Variants in ATP11A observed in about 807,000 individuals in gnomAD.
The protein encoded by ATP11A is ATPase phospholipid transporting 11A, also known as phospholipid-transporting ATPase IH.
Under a neutral mutation model 154.4 loss-of-function variants are expected in ATP11A, and 81 were observed. The observed-to-expected ratio is 0.52, with a 90% CI of 0.44 to 0.63. The LOEUF (loss-of-function observed/expected upper bound fraction) is 0.63, where lower values mean the gene tolerates loss of function less well. Among genes scored for constraint, ATP11A ranks in the 30% least tolerant of loss-of-function variants. The probability of loss-of-function intolerance (pLI) is 0.00; values close to 1 mark genes in which losing one functional copy is unlikely to be tolerated. For missense variants in ATP11A, 1,316 were observed against 1,474.3 expected, an observed-to-expected ratio of 0.89 and a Z score of 1.76; for synonymous variants, 623 against 585.9, an observed-to-expected ratio of 1.06 and a Z score of -0.91.
At chr13:112,843,609 C>T (rs963221162) in intron 17 of ATP11A, among the ~76,000 whole-genome samples, 7 of 152,176 alleles carry the variant, frequency 4.6e-5, no homozygotes, top group African/African-American at 1.7e-4. Context: ...ACCGAGAGAA[C>T]CTTGGACTAG....
At chr13:112,810,087 C>T (rs1370298213) in intron 4 of ATP11A, among the ~76,000 whole-genome samples, 3 of 151,014 alleles carry the variant, frequency 2.0e-5, no homozygotes, top group African/African-American at 2.4e-5. Flanking sequence ...CAGAGTGAGC[C>T]GGCGTTTCAC....
chr13:112,741,508 C>T (rs939064413), intron 1 of ATP11A, among the ~76,000 whole-genome samples: 10 of 152,158 alleles, frequency 6.6e-5, no homozygotes, highest in African/African-American at 2.4e-4. Context: ...GCACCATTAC[C>T]CTGGCCTGGG....
chr13:112,882,985 G>T lies in ATP11A; in HGVS notation c.*1119G>T, dbSNP rs78518626. Reference sequence around the variant, plus strand: ...CTCCCGCACTGCAGCTCCGCCCGCCGGGCTCTGCGTCCCCACGTCCCCTCG... The same window carrying T: ...CTCCCGCACTGCAGCTCCGCCCGCCTGGCTCTGCGTCCCCACGTCCCCTCG... On this transcript the variant is annotated 3_prime_UTR_variant, in exon 30 of 30. Transcript: ENST00000375645. This position sits in a 1 kb window ranked among gnomAD's most constrained non-coding sequence, Gnocchi z 5.1. 0.014 allele frequency: 5,753 copies of T among 399,256 alleles called. 112 individuals are homozygous for T. Among genetic ancestry groups the T allele is most frequent in the East Asian group, 0.06 (1,688 of 28,070 alleles). The allele number at this position is 399,256 out of a possible 1,614,324, so 24.7% of individuals were successfully genotyped here. A position where few individuals can be genotyped will look rare whatever the true frequency, so the allele number is the denominator to read the frequency against.
chr13:112,690,356 T>G lies in ATP11A; in HGVS notation c.-61T>G. The G allele has an allele frequency of 4.2e-6, 5 of 1,204,818 alleles. No individual in the cohort carries two copies. The highest frequency in any genetic ancestry group is 3.3e-5 in the East Asian group (1 of 30,304). The allele number at this position is 1,204,818 out of a possible 1,614,324, so 74.6% of individuals were successfully genotyped here. A position where few individuals can be genotyped will look rare whatever the true frequency, so the allele number is the denominator to read the frequency against. On this transcript the variant is annotated 5_prime_UTR_variant, in exon 1 of 30. It removes an upstream start codon present in the reference 5' UTR. Transcript: ENST00000375645. The surrounding 1 kb of genome is among the most constrained non-coding windows in gnomAD (Gnocchi z 5.6). ...GGCCGCACTAGTACCCCGGAGCCCA[T>G]GGGCGCGCCGAGCCGGGCGCGGGGG... is the stretch of plus-strand genomic sequence containing the variant.
In ATP11A at chr13:112,838,830, A is replaced by G. The variant is rs186109920; in HGVS notation, c.1705+2579A>G. 4.6e-5 allele frequency among the ~76,000 whole-genome samples: 7 copies of G among 152,290 alleles called. No homozygotes were observed. The East Asian group carries it at 9.7e-4, about 21-fold the overall frequency. ...AGTTACTTTTAAGAGAAGTTTGAAT[A>G]TGTAATTAAGCAAGGTGTTCTGTAA... On this transcript the variant is annotated intron_variant, in intron 16 of 29. Coordinates refer to ENST00000375645, the MANE Select transcript of ATP11A (RefSeq NM_015205.3). The surrounding 1 kb of genome is among the most constrained non-coding windows in gnomAD (Gnocchi z 7.3).
rs187475989 is a variant in ATP11A, at chr13:112,789,029, C to G, written c.162+3772C>G. ...ATTGAGCATCCTGACATGTAGACCC[C>G]TGTGTAGACCTACTTCATTTACACC... On this transcript the variant is annotated intron_variant, in intron 2 of 29. Coordinates refer to ENST00000375645, the MANE Select transcript of ATP11A (RefSeq NM_015205.3). 2.0e-5 allele frequency among the ~76,000 whole-genome samples: 3 copies of G among 151,884 alleles called. No individual in the cohort carries two copies. In the East Asian group the frequency reaches 6.0e-4, roughly 30 times the overall value.
chr13:112,731,212 G>A lies in ATP11A; in HGVS notation c.39+40757G>A, dbSNP rs546857963. On this transcript the variant is annotated intron_variant, in intron 1 of 29. Coordinates refer to ENST00000375645, the MANE Select transcript of ATP11A (RefSeq NM_015205.3). ...AGCCTCCAAAATGCTCCAGTGATCC[G>A]CCTGCCTTAGCCTCCCAAAGTGCTG... 5.3e-5 allele frequency among the ~76,000 whole-genome samples: 8 copies of A among 152,194 alleles called. 1 individual carries two copies. The highest frequency in any genetic ancestry group is 1.4e-4 in the African/African-American group (6 of 41,488).
Position 112,769,463 on chromosome 13 carries a change from G to A in ATP11A, c.40-15672G>A, listed in dbSNP as rs773174916. Among the ~76,000 whole-genome samples, 10 of 152,322 alleles carry A rather than the reference G, an allele frequency of 6.6e-5. No homozygotes were observed. The East Asian group carries it at 1.4e-3, about 21-fold the overall frequency. On this transcript the variant is annotated intron_variant, in intron 1 of 29. Transcript: ENST00000375645. The stretch of plus-strand genomic sequence containing the variant: ...CTGGCAGCTGTGGCCTCTTTGCTGC[G>A]CTTCCTCTTTGGCCAGAGCCAAAAC...
At chr13:112,732,571 T>G (rs1890597624) in intron 1 of ATP11A, among the ~76,000 whole-genome samples, 1 of 152,216 alleles carries the variant, frequency 6.6e-6, no homozygotes, top group African/African-American at 2.4e-5. Context: ...ATAAAAGCAC[T>G]TACAAATTTA....
chr13:112,825,608 T>C, intron 11 of ATP11A, 28 bp downstream of exon 11: 1 of 1,590,582 alleles, frequency 6.3e-7, no homozygotes, highest in Non-Finnish European at 8.5e-7. Context: ...CCTTGTATGA[T>C]CCGAGGTGAC....
In ATP11A at chr13:112,860,374, G is replaced by A; in HGVS notation, c.2815G>A (p.Val939Ile). 1.2e-6 allele frequency: 2 copies of A among 1,614,170 alleles called. No homozygotes were observed. Among genetic ancestry groups the A allele is most frequent in the Non-Finnish European group, 1.7e-6 (2 of 1,180,040 alleles). ...ILLYSLMEQH[V>I]GIDVLKRDPT... Reference sequence around the variant, plus strand: ...CCTGTACAGCCTCATGGAGCAGCATGTTGGCATTGACGTGCTCAAGAGAGA... The same window carrying A: ...CCTGTACAGCCTCATGGAGCAGCATATTGGCATTGACGTGCTCAAGAGAGA... The change falls in exon 24 of 30, where the codon GTT becomes ATT. Residue 939 changes from valine (V) to isoleucine (I), a missense_variant. Around this residue, in one of 5 missense-constraint regions of ATP11A, gnomAD observed 294 missense variants for 290.2 expected, o/e 1.01. Transcript: ENST00000375645.
chr13:112,721,873 G>C (rs1227766957), intron 1 of ATP11A, among the ~76,000 whole-genome samples: 3 of 152,240 alleles, frequency 2.0e-5, no homozygotes, highest in Admixed American at 1.3e-4. Flanking sequence ...AGGGCGACCA[G>C]GAGGTTCACC....
At chr13:112,735,483 T>A (rs1410232742) in intron 1 of ATP11A, among the ~76,000 whole-genome samples, 1 of 152,226 alleles carries the variant, frequency 6.6e-6, no homozygotes, top group Non-Finnish European at 1.5e-5. Flanking sequence ...TTTATTTGTA[T>A]AAATTTATAA....
intron 25 of ATP11A, among the ~76,000 whole-genome samples, chr13:112,867,200 A>G (rs766704283): frequency 2.4e-4 from 37 of 152,124 alleles, no homozygotes; most frequent in Non-Finnish European, 5.9e-5. Context: ...GTTCACTACA[A>G]CCACCCTATC....
At chr13:112,691,817 A>G (rs558759215) in intron 1 of ATP11A, among the ~76,000 whole-genome samples, 1 of 152,084 alleles carries the variant, frequency 6.6e-6, no homozygotes, top group South Asian at 2.1e-4. Context: ...TATTAACCAA[A>G]AACCTCGGAG....
At chr13:112,792,704 G>T (rs945187690) in intron 2 of ATP11A, among the ~76,000 whole-genome samples, 1 of 152,128 alleles carries the variant, frequency 6.6e-6, no homozygotes, top group Non-Finnish European at 1.5e-5. Flanking sequence ...AGCCCAGCAC[G>T]CCCCGTTCCC....
At chr13:112,737,945 C>T (rs548741392) in intron 1 of ATP11A, among the ~76,000 whole-genome samples, 1 of 152,220 alleles carries the variant, frequency 6.6e-6, no homozygotes, top group African/African-American at 2.4e-5. Context: ...TGGAATTGAC[C>T]CTTGAAGAGT....
intron 12 of ATP11A, among the ~76,000 whole-genome samples, chr13:112,827,571 A>G (rs899400324): frequency 6.6e-6 from 1 of 152,202 alleles, no homozygotes; most frequent in African/African-American, 2.4e-5. Flanking sequence ...GGGTTTCCCC[A>G]GCCTAGAGCG....
intron 26 of ATP11A, 52 bp downstream of exon 26, chr13:112,871,852 G>A: frequency 2.0e-6 from 3 of 1,533,054 alleles, no homozygotes; most frequent in Non-Finnish European, 2.7e-6. Flanking sequence ...AACCCCTGCA[G>A]TGTAGGCCTC....
Sources: allele counts gnomAD v4.1 joint callset (sites outside exome capture counted in the v4.1 genomes callset), GRCh38; gene constraint gnomAD v4.1.1; regional missense constraint gnomAD v4.1.1; non-coding constraint Gnocchi (gnomAD v3.1); transcripts MANE v1.5; gene names NCBI Gene and HGNC (gene_info 2026-07-23, HGNC 2026-07-21).